FHIP1A: variants seen among roughly 807,000 people sequenced by gnomAD.
FHIP1A encodes FHF complex subunit HOOK interacting protein 1A, also known as FHF complex subunit HOOK-interacting protein 1A.
A neutral mutation model predicts 88.6 loss-of-function variants in FHIP1A; 61 were observed. That is an observed-to-expected ratio of 0.69 (90% CI 0.56 to 0.85). FHIP1A has a LOEUF of 0.85. Ranked by LOEUF, FHIP1A falls within the 40% of genes least tolerant of loss-of-function variation. FHIP1A has a pLI of 0.00. For synonymous variants in FHIP1A, 478 were observed against 496.0 expected (o/e 0.96, Z 0.48); for missense variants, 1,154 against 1,273.5 (o/e 0.91, Z 1.43).
At chr4:151,518,027 A>T (rs1731310858) in intron 3 of FHIP1A, among the ~76,000 whole-genome samples, 1 of 152,318 alleles carries the variant, frequency 6.6e-6, no homozygotes, top group East Asian at 1.9e-4. Context: ...TGTAGCCTAG[A>T]TGTACAGTAT....
At chr4:151,508,348 A>T (rs1730905136) in intron 3 of FHIP1A, among the ~76,000 whole-genome samples, 1 of 152,150 alleles carries the variant, frequency 6.6e-6, no homozygotes, top group Non-Finnish European at 1.5e-5. Context: ...GCAGCCTAGT[A>T]ATGTTAGGTG....
intron 9 of FHIP1A, among the ~76,000 whole-genome samples, chr4:151,640,271 G>C (rs1488881828): frequency 2.6e-5 from 4 of 152,220 alleles, no homozygotes; most frequent in Non-Finnish European, 4.4e-5. Context: ...AAAGCTGGTA[G>C]TGGCCTATTG....
chr4:151,614,194 C>A (rs1735429660), intron 7 of FHIP1A, among the ~76,000 whole-genome samples: 1 of 148,880 alleles, frequency 6.7e-6, no homozygotes, highest in Admixed American at 6.7e-5. Flanking sequence ...TAAGGCCAGG[C>A]ATGCTGGCTC....
chr4:151,428,552 C>T (rs1032126964), intron 1 of FHIP1A, among the ~76,000 whole-genome samples: 4 of 152,128 alleles, frequency 2.6e-5, no homozygotes, highest in Non-Finnish European at 4.4e-5. Context: ...AATATTTAAA[C>T]AATGTAGATT....
chr4:151,559,073 T>A (rs1166699996), intron 3 of FHIP1A, among the ~76,000 whole-genome samples: 1 of 152,196 alleles, frequency 6.6e-6, no homozygotes. Flanking sequence ...TTTATATGTT[T>A]TCTGTTAAAT....
intron 7 of FHIP1A, among the ~76,000 whole-genome samples, chr4:151,594,510 C>T (rs1578795710): frequency 1.3e-5 from 2 of 151,492 alleles, no homozygotes; most frequent in Non-Finnish European, 2.9e-5. Context: ...AGTTTATTTG[C>T]GTAGAGGTGT....
intron 3 of FHIP1A, among the ~76,000 whole-genome samples, chr4:151,540,871 G>T (rs1433298839): frequency 6.6e-6 from 1 of 152,150 alleles, no homozygotes; most frequent in African/African-American, 2.4e-5. Flanking sequence ...GTTCCCCCGA[G>T]GCAGTGATGT....
rs1373203412 is a variant in FHIP1A at position 151,577,592 on chromosome 4, CT to C, written c.249del (p.Ala84GlnfsTer23). On this transcript the variant is annotated frameshift_variant, in exon 5 of 14. Transcript: ENST00000435205. LOFTEE classifies it high-confidence loss of function. ...FLLIEEQAKD[A>X]AMGPILEFVV... ...TTGATTGAAGAGCAAGCCAAAGATGCTGCAATGGGGCCGATTCTGGAATTTG... is the reference window on the plus strand; with the variant it reads ...TTGATTGAAGAGCAAGCCAAAGATGCGCAATGGGGCCGATTCTGGAATTTG... 1 of 1,551,920 alleles carries C rather than the reference CT, an allele frequency of 6.4e-7. No homozygotes were observed. The highest frequency in any genetic ancestry group is 8.7e-7 in the Non-Finnish European group (1 of 1,147,024).
At chr4:151,443,437 A>G (rs1427917959) in intron 1 of FHIP1A, among the ~76,000 whole-genome samples, 1 of 152,142 alleles carries the variant, frequency 6.6e-6, no homozygotes, top group Non-Finnish European at 1.5e-5. Flanking sequence ...GCTACCACGC[A>G]TGCCTGGCCA....
intron 1 of FHIP1A, among the ~76,000 whole-genome samples, chr4:151,418,193 A>AC (rs1732970372): frequency 6.6e-6 from 1 of 151,290 alleles, no homozygotes; most frequent in Non-Finnish European, 1.5e-5. Context: ...AAAAAAAAAA[A>AC]AACAAGAGAA....
chr4:151,469,466 T>A (rs894981773), intron 2 of FHIP1A, among the ~76,000 whole-genome samples: 1 of 152,172 alleles, frequency 6.6e-6, no homozygotes, highest in African/African-American at 2.4e-5. Flanking sequence ...GCCCTATTTT[T>A]ACAGGTGATG....
At chr4:151,422,242 C>T (rs1733200780) in intron 1 of FHIP1A, among the ~76,000 whole-genome samples, 1 of 149,062 alleles carries the variant, frequency 6.7e-6, no homozygotes, top group Non-Finnish European at 1.5e-5. Context: ...TATATATTAA[C>T]TCTTTCCCCA....
intron 13 of FHIP1A, among the ~76,000 whole-genome samples, chr4:151,662,083 G>A (rs1339830395): frequency 2.0e-5 from 3 of 152,322 alleles, no homozygotes; most frequent in East Asian, 3.9e-4. Context: ...GGCTTAACTG[G>A]CAAAGGGAGA....
At chr4:151,658,218 C>T (rs950914411) in intron 13 of FHIP1A, among the ~76,000 whole-genome samples, 1 of 152,200 alleles carries the variant, frequency 6.6e-6, no homozygotes, top group African/African-American at 2.4e-5. Flanking sequence ...GCTGCTGCCA[C>T]CCACCCTGTG....
At chr4:151,626,332 G>C (rs375501104) in intron 7 of FHIP1A, among the ~76,000 whole-genome samples, 1 of 152,060 alleles carries the variant, frequency 6.6e-6, no homozygotes, top group African/African-American at 2.4e-5. Context: ...AGAAGGACCC[G>C]GACAAGGGCT....
intron 2 of FHIP1A, among the ~76,000 whole-genome samples, chr4:151,461,202 A>G (rs936343664): frequency 1.7e-4 from 26 of 152,212 alleles, no homozygotes; most frequent in Non-Finnish European, 1.0e-4. Context: ...ATGTTCTGCC[A>G]TATAAAGGAA....
In FHIP1A at chr4:151,646,709, G is replaced by C. The variant is rs1736809891; in HGVS notation, c.1378G>C (p.Asp460His). The change falls in exon 10 of 14, where the codon GAT (aspartate) becomes CAT (histidine). Residue 460 changes from aspartate (D) to histidine (H), a missense_variant. Transcript: ENST00000435205. ...ITLTLGNQER[D>H]YILWSKCMHD... ...TCTGACGCTGGGGAACCAAGAGAGG[G>C]ATTATATTCTCTGGTCAAAGTGTAT... The C allele has an allele frequency of 1.9e-6, 3 of 1,551,292 alleles. No individual in the cohort carries two copies. Among genetic ancestry groups the C allele is most frequent in the Admixed American group, 2.0e-5 (1 of 50,972 alleles).
intron 13 of FHIP1A, among the ~76,000 whole-genome samples, chr4:151,660,817 G>A (rs1440868735): frequency 6.6e-6 from 1 of 152,254 alleles, no homozygotes; most frequent in African/African-American, 2.4e-5. Flanking sequence ...CTGTACTGAT[G>A]AGGATGATGT....
intron 3 of FHIP1A, among the ~76,000 whole-genome samples, chr4:151,504,552 G>T (rs1440731674): frequency 6.7e-6 from 1 of 149,560 alleles, no homozygotes; most frequent in Non-Finnish European, 1.5e-5. Context: ...TCATCTAGCT[G>T]GGAAAAAATT....
Sources: gnomAD v4.1 joint callset for allele counts (sites outside exome capture counted in the v4.1 genomes callset) on GRCh38, gnomAD v4.1.1 for gene constraint, MANE v1.5 for transcripts, NCBI Gene and HGNC (gene_info 2026-07-23, HGNC 2026-07-21) for gene names.